Variants in ITGB8 observed in about 807,000 individuals in gnomAD.
ITGB8 encodes integrin beta-8.
Under a neutral mutation model 89.5 loss-of-function variants are expected in ITGB8, and 30 were observed. That is an observed-to-expected ratio of 0.34 (90% CI 0.25 to 0.45). The LOEUF is 0.45. ITGB8 is among the 20% of genes least tolerant of loss of function. The probability of loss-of-function intolerance (pLI) is 1.00; values close to 1 mark genes in which losing one functional copy is unlikely to be tolerated. For missense variants in ITGB8, 836 were observed against 933.3 expected, an observed-to-expected ratio of 0.90 and a Z score of 1.36; for synonymous variants, 335 against 320.4, an observed-to-expected ratio of 1.05 and a Z score of -0.49.
At position 20,398,018 on chromosome 7, in the gene ITGB8, G is replaced by A. The variant is rs114830795; in HGVS notation, c.1147-842G>A. On this transcript the variant is annotated intron_variant, in intron 8 of 13. Coordinates refer to ENST00000222573, the MANE Select transcript of ITGB8 (RefSeq NM_002214.3). ...GCATGTGGTAGACTCTTAGTTGTAT[G>A]GAATAAAATGCACACAGATCTGAAG... Among the ~76,000 whole-genome samples, 163 of 151,280 alleles carry A rather than the reference G, an allele frequency of 1.1e-3. 2 individuals carry two copies. Among genetic ancestry groups the A allele is most frequent in the African/African-American group, 3.6e-3 (149 of 41,146 alleles).
chr7:20,407,838 C>T (rs1258468548), intron 12 of ITGB8, among the ~76,000 whole-genome samples: 1 of 152,222 alleles, frequency 6.6e-6, no homozygotes, highest in African/African-American at 2.4e-5. Flanking sequence ...AAAGCATGGG[C>T]TAGGCATGAA....
chr7:20,405,969 ATTG>A (rs1367389200), intron 11 of ITGB8, 90 bp from the exon 12 acceptor site: 6 of 740,460 alleles, frequency 8.1e-6, no homozygotes, highest in African/African-American at 1.8e-5. Context: ...TTGTTTCTGC[ATTG>A]TTATTTTGTC....
At chr7:20,356,264 C>A (rs919312855) in intron 1 of ITGB8, among the ~76,000 whole-genome samples, 6 of 152,274 alleles carry the variant, frequency 3.9e-5, no homozygotes, top group Non-Finnish European at 7.4e-5. Context: ...ATAACTAGGT[C>A]ATGGCAAGTG....
At chr7:20,332,181 G>C (rs1784426559) in intron 1 of ITGB8, among the ~76,000 whole-genome samples, 1 of 152,194 alleles carries the variant, frequency 6.6e-6, no homozygotes, top group Admixed American at 6.5e-5. Flanking sequence ...TAGGTGTTGA[G>C]GAAGCCCTAA....
chr7:20,342,338 C>T (rs754193037), intron 1 of ITGB8, among the ~76,000 whole-genome samples: 1 of 152,168 alleles, frequency 6.6e-6, no homozygotes, highest in Non-Finnish European at 1.5e-5. Context: ...ATTACCTCAA[C>T]GTTTTGGAGC....
intron 8 of ITGB8, among the ~76,000 whole-genome samples, 163 bp from the exon 9 acceptor site, chr7:20,398,697 T>G (rs1019582318): frequency 6.6e-6 from 1 of 152,188 alleles, no homozygotes; most frequent in African/African-American, 2.4e-5. Context: ...CAAATATAAT[T>G]GGGTCATTAT....
At chr7:20,403,037 A>G (rs1043629325) in intron 10 of ITGB8, among the ~76,000 whole-genome samples, 3 of 152,246 alleles carry the variant, frequency 2.0e-5, no homozygotes, top group South Asian at 2.1e-4. Flanking sequence ...AAACGTCATC[A>G]TAAGCATATG....
intron 10 of ITGB8, 92 bp downstream of exon 10, chr7:20,402,218 G>C: frequency 8.9e-7 from 1 of 1,121,552 alleles, no homozygotes. Context: ...TTATAAATTA[G>C]CAAAACTGAA....
At chr7:20,359,649 G>A (rs779115492) in intron 1 of ITGB8, among the ~76,000 whole-genome samples, 2 of 151,482 alleles carry the variant, frequency 1.3e-5, no homozygotes, top group Non-Finnish European at 3.0e-5. Context: ...TTGTATGTGT[G>A]TTGTGGGAGG....
chr7:20,370,263 T>C (rs1349189827), intron 3 of ITGB8, among the ~76,000 whole-genome samples: 1 of 151,378 alleles, frequency 6.6e-6, no homozygotes, highest in Non-Finnish European at 1.5e-5. Context: ...ACCATAATTA[T>C]AGAAAAAAAT....
chr7:20,350,440 G>A (rs1447447544), intron 1 of ITGB8, among the ~76,000 whole-genome samples: 2 of 152,204 alleles, frequency 1.3e-5, no homozygotes, highest in African/African-American at 4.8e-5. Flanking sequence ...GAGCCACTGT[G>A]CCCAGCCTTT....
chr7:20,330,382 G>A (rs1784333121), upstream of ITGB8, among the ~76,000 whole-genome samples: 1 of 152,286 alleles, frequency 6.6e-6, no homozygotes, highest in Middle Eastern at 3.4e-3. Context: ...GAGTATCTCC[G>A]AACAAAGCGG....
chr7:20,332,072 G>A, intron 1 of ITGB8, 139 bp downstream of exon 1: 2 of 1,452,944 alleles, frequency 1.4e-6, no homozygotes, highest in African/African-American at 1.4e-5. Flanking sequence ...GCGGGGCAGC[G>A]TCCTCCAGCA....
intron 3 of ITGB8, among the ~76,000 whole-genome samples, chr7:20,378,167 A>C (rs1786230601): frequency 6.6e-6 from 1 of 152,206 alleles, no homozygotes. Flanking sequence ...GTTAGGGGGG[A>C]CAACCCAAGT....
At position 20,401,910 on chromosome 7, in the gene ITGB8, T is replaced by C. The variant is rs139948779; in HGVS notation, c.1471T>C (p.Cys491Arg). The change falls in exon 10 of 14, where the codon TGT (cysteine) becomes CGT (arginine). Residue 491 changes from cysteine to arginine, a missense_variant. By Grantham distance (180) the Cys-to-Arg change is radical. Around this residue, in one of 5 missense-constraint regions of ITGB8, gnomAD observed 422 missense variants for 416.9 expected, o/e 1.01. Transcript: ENST00000222573. ...CVDETFLDSK[C>R]FQCDENKCHF... is the part of the protein sequence containing the mutation. ...AGATGAAACTTTTCTAGATTCCAAG[T>C]GTTTCCAGTGTGATGAGAATAAATG... 1.9e-6 allele frequency: 3 copies of C among 1,613,440 alleles called. No individual in the cohort carries two copies. Among genetic ancestry groups the C allele is most frequent in the South Asian group, 1.1e-5 (1 of 90,984 alleles).
intron 6 of ITGB8, among the ~76,000 whole-genome samples, chr7:20,382,724 C>G (rs1451764153): frequency 6.6e-6 from 1 of 152,038 alleles, no homozygotes; most frequent in Non-Finnish European, 1.5e-5. Context: ...CTATTTATGT[C>G]TTAACAACTT....
At chr7:20,367,274 A>G in intron 3 of ITGB8, 88 bp downstream of exon 3, 1 of 1,008,346 alleles carries the variant, frequency 9.9e-7, no homozygotes, top group Non-Finnish European at 1.5e-6. Context: ...ATTATGTGGC[A>G]GGCAGTATTG....
At chr7:20,357,567 A>C (rs1363058103) in intron 1 of ITGB8, among the ~76,000 whole-genome samples, 2 of 152,308 alleles carry the variant, frequency 1.3e-5, no homozygotes, top group East Asian at 3.9e-4. Context: ...ATGACATTAC[A>C]ACAGTTTCTT....
chr7:20,410,088 T>C lies in ITGB8; in HGVS notation c.*91T>C. The C allele has an allele frequency of 7.6e-7, 1 of 1,307,578 alleles. No individual in the cohort carries two copies. Among genetic ancestry groups the C allele is most frequent in the East Asian group, 2.3e-5 (1 of 43,036 alleles). 81.0% of individuals were successfully genotyped at this position (1,307,578 alleles called of 1,614,324 possible). Reference sequence around the variant, plus strand: ...TTTAAAAGTCACAGGAGGAGACAAATTGCTCACGGTCATGCCAGTTGCTGG... The same window carrying C: ...TTTAAAAGTCACAGGAGGAGACAAACTGCTCACGGTCATGCCAGTTGCTGG... On this transcript the variant is annotated 3_prime_UTR_variant, in exon 14 of 14. Transcript: ENST00000222573.
Sources: allele counts gnomAD v4.1 joint callset (sites outside exome capture counted in the v4.1 genomes callset), GRCh38; gene constraint gnomAD v4.1.1; regional missense constraint gnomAD v4.1.1; transcripts MANE v1.5; gene names NCBI Gene and HGNC (gene_info 2026-07-23, HGNC 2026-07-21).